AKAP19: variants seen among roughly 807,000 people sequenced by gnomAD.
The protein encoded by AKAP19 is small A-kinase anchoring protein.
chr2:189,978,146 T>C, the AKAP19 span, among the ~76,000 whole-genome samples: 3 of 152,214 alleles, frequency 2.0e-5, no homozygotes, highest in African/African-American at 7.2e-5. Context: ...TACACGGGTG[T>C]ATGGTGTAAT....
At chr2:190,053,007 T>A in the AKAP19 span, among the ~76,000 whole-genome samples, 2,821 of 152,350 alleles carry the variant, frequency 0.019, 56 homozygotes, top group African/African-American at 0.046. Context: ...TGTGTGCTTA[T>A]TTAAAACATC....
At chr2:190,201,571 C>A in the AKAP19 span, 1 of 166,974 alleles carries the variant, frequency 6.0e-6, no homozygotes, top group African/African-American at 2.4e-5. Flanking sequence ...GGCAGAAAAT[C>A]TACCTCTAAT....
the AKAP19 span, among the ~76,000 whole-genome samples, chr2:190,155,901 T>C: frequency 6.6e-6 from 1 of 152,158 alleles, no homozygotes; most frequent in Non-Finnish European, 1.5e-5. Context: ...TAATAAATTT[T>C]TAGGTATACT....
At chr2:189,982,018 C>G in the AKAP19 span, among the ~76,000 whole-genome samples, 1 of 145,136 alleles carries the variant, frequency 6.9e-6, no homozygotes, top group Non-Finnish European at 1.5e-5. Flanking sequence ...TGCAGGTGTG[C>G]TTTAAATTTC....
At chr2:190,166,284 CT>C in the AKAP19 span, among the ~76,000 whole-genome samples, 8 of 119,228 alleles carry the variant, frequency 6.7e-5, no homozygotes, top group Non-Finnish European at 1.2e-4. Context: ...TGAAACTTGA[CT>C]ATGTGAAGGA....
At chr2:189,915,211 G>A in the AKAP19 span, among the ~76,000 whole-genome samples, 21 of 151,878 alleles carry the variant, frequency 1.4e-4, no homozygotes, top group Non-Finnish European at 2.8e-4. Flanking sequence ...TACTCTCATT[G>A]TACTACTTGC....
the AKAP19 span, among the ~76,000 whole-genome samples, chr2:190,077,173 A>G: frequency 6.6e-6 from 1 of 150,902 alleles, no homozygotes; most frequent in African/African-American, 2.4e-5. Context: ...AACCTTGAGC[A>G]TATTTATAGT....
the AKAP19 span, among the ~76,000 whole-genome samples, chr2:190,124,038 A>G: frequency 1.3e-5 from 2 of 152,176 alleles, no homozygotes; most frequent in African/African-American, 4.8e-5. Flanking sequence ...CCTGATTCTT[A>G]GGTCTTCTGC....
the AKAP19 span, among the ~76,000 whole-genome samples, chr2:189,929,078 A>G: frequency 5.3e-5 from 8 of 152,320 alleles, no homozygotes; most frequent in South Asian, 1.7e-3. Context: ...TTTTGAGATC[A>G]CAACTATGAA....
the AKAP19 span, among the ~76,000 whole-genome samples, chr2:190,037,235 T>A: frequency 6.6e-6 from 1 of 152,176 alleles, no homozygotes; most frequent in Non-Finnish European, 1.5e-5. Context: ...CCAGAATAGG[T>A]AATGAACACA....
chr2:190,113,713 T>C, the AKAP19 span, among the ~76,000 whole-genome samples: 1 of 152,206 alleles, frequency 6.6e-6, no homozygotes, highest in Non-Finnish European at 1.5e-5. Flanking sequence ...CTGGAGTGCA[T>C]TCTGCATGAC....
chr2:190,146,105 C>T, the AKAP19 span, among the ~76,000 whole-genome samples: 7 of 151,878 alleles, frequency 4.6e-5, no homozygotes, highest in African/African-American at 1.7e-4. Flanking sequence ...ACCCATCACC[C>T]GAGCAGTATA....
At chr2:190,119,658 G>C in the AKAP19 span, among the ~76,000 whole-genome samples, 19 of 152,176 alleles carry the variant, frequency 1.2e-4, no homozygotes, top group African/African-American at 4.6e-4. Context: ...GACAAGAGCT[G>C]CGAAAAAACC....
the AKAP19 span, among the ~76,000 whole-genome samples, chr2:189,936,510 AG>A: frequency 6.6e-6 from 1 of 152,192 alleles, no homozygotes; most frequent in South Asian, 2.1e-4. Context: ...CTCCAGGGTC[AG>A]AAAACTTTTT....
the AKAP19 span, among the ~76,000 whole-genome samples, chr2:189,884,723 T>A: frequency 2.6e-5 from 4 of 152,256 alleles, no homozygotes; most frequent in Non-Finnish European, 1.5e-5. Context: ...ACTCTGTTTA[T>A]GCTAGTATAT....
At chr2:189,999,997 T>C in the AKAP19 span, among the ~76,000 whole-genome samples, 1 of 152,220 alleles carries the variant, frequency 6.6e-6, no homozygotes, top group South Asian at 2.1e-4. Flanking sequence ...TATATACTGA[T>C]TTGCTCACGG....
chr2:189,894,242 A>G, the AKAP19 span, among the ~76,000 whole-genome samples: 1 of 152,222 alleles, frequency 6.6e-6, no homozygotes, highest in Non-Finnish European at 1.5e-5. Context: ...AATCTTTGAA[A>G]GATAAATGAA....
chr2:190,020,927 C>G, the AKAP19 span, among the ~76,000 whole-genome samples: 1 of 152,138 alleles, frequency 6.6e-6, no homozygotes, highest in Non-Finnish European at 1.5e-5. Context: ...ATCCATGAAC[C>G]TTACATTAGC....
chr2:190,058,615 C>A, the AKAP19 span, among the ~76,000 whole-genome samples: 1 of 151,894 alleles, frequency 6.6e-6, no homozygotes, highest in Non-Finnish European at 1.5e-5. Flanking sequence ...AAGTGCCCAT[C>A]AGCGGATGAA....
Sources: allele counts gnomAD v4.1 joint callset (sites outside exome capture counted in the v4.1 genomes callset), GRCh38; gene constraint gnomAD v4.1.1; transcripts MANE v1.5; gene names NCBI Gene and HGNC (gene_info 2026-07-23, HGNC 2026-07-21).